Variants in KCNN2 observed in about 807,000 individuals in gnomAD.
KCNN2 encodes the protein small conductance calcium-activated potassium channel protein 2.
In KCNN2, 24 loss-of-function variants were observed where a neutral mutation model predicts 55.5. The ratio of observed to expected loss-of-function variants is 0.43; its 90% CI spans 0.31 to 0.61. The LOEUF (loss-of-function observed/expected upper bound fraction) is 0.61, where lower values mean the gene tolerates loss of function less well. Ranked by LOEUF, KCNN2 falls within the 20% of genes least tolerant of loss-of-function variation. KCNN2 has a pLI of 0.08. For synonymous variants in KCNN2, 431 were observed against 336.1 expected (o/e 1.28, Z -3.09); for missense variants, 754 against 853.6 (o/e 0.88, Z 1.45).
chr5:114,390,399 A>T (rs1230051957), intron 2 of KCNN2, among the ~76,000 whole-genome samples: 1 of 152,118 alleles, frequency 6.6e-6, no homozygotes, highest in Non-Finnish European at 1.5e-5. Flanking sequence ...TATTTTCATC[A>T]TTTCCAGTAG....
chr5:114,265,538 G>T (rs1755193301), intron 2 of KCNN2, among the ~76,000 whole-genome samples: 1 of 152,166 alleles, frequency 6.6e-6, no homozygotes, highest in African/African-American at 2.4e-5. Context: ...GAATCAAAAA[G>T]CCAAGAAAGA....
At chr5:114,284,010 C>T (rs150027510) in intron 2 of KCNN2, among the ~76,000 whole-genome samples, 1 of 152,152 alleles carries the variant, frequency 6.6e-6, no homozygotes, top group Non-Finnish European at 1.5e-5. Context: ...GAATGACATC[C>T]AGGAAGAGGG....
intron 1 of KCNN2, among the ~76,000 whole-genome samples, chr5:114,127,979 A>G (rs1751973585): frequency 6.6e-6 from 1 of 152,128 alleles, no homozygotes; most frequent in African/African-American, 2.4e-5. Flanking sequence ...TTTATTGTGT[A>G]TATCACTATA....
At chr5:114,370,548 T>C (rs1011289441) in intron 2 of KCNN2, among the ~76,000 whole-genome samples, 2 of 152,008 alleles carry the variant, frequency 1.3e-5, no homozygotes, top group African/African-American at 4.8e-5. Flanking sequence ...GTTGCATACA[T>C]CAGACAGGAC....
intron 2 of KCNN2, among the ~76,000 whole-genome samples, chr5:114,306,106 G>T (rs1391077441): frequency 6.6e-6 from 1 of 152,162 alleles, no homozygotes; most frequent in Admixed American, 6.5e-5. Context: ...CATAGCCCTG[G>T]AGCAACACTG....
chr5:114,173,414 G>C (rs1753076896), intron 1 of KCNN2, among the ~76,000 whole-genome samples: 1 of 147,782 alleles, frequency 6.8e-6, no homozygotes, highest in African/African-American at 2.5e-5. Context: ...GGCTATTCTG[G>C]TGGGTTTTTT....
chr5:114,210,920 C>T (rs964184449), intron 1 of KCNN2, among the ~76,000 whole-genome samples: 3 of 152,064 alleles, frequency 2.0e-5, no homozygotes, highest in African/African-American at 7.2e-5. Context: ...ACAGAACAGA[C>T]ACTTTTCAAG....
At chr5:114,455,097 C>A (rs185664031) in intron 3 of KCNN2, among the ~76,000 whole-genome samples, 42 of 151,852 alleles carry the variant, frequency 2.8e-4, no homozygotes, top group Non-Finnish European at 2.6e-4. Flanking sequence ...TTCAGTGGTT[C>A]CTTTGGGGTT....
chr5:114,139,802 A>G (rs1412296245), intron 1 of KCNN2, among the ~76,000 whole-genome samples: 1 of 151,826 alleles, frequency 6.6e-6, no homozygotes, highest in Non-Finnish European at 1.5e-5. Flanking sequence ...TTTGTTTTAT[A>G]TTAGTTCATA....
At chr5:114,241,227 G>C (rs1251187023) in intron 2 of KCNN2, among the ~76,000 whole-genome samples, 1 of 151,704 alleles carries the variant, frequency 6.6e-6, no homozygotes, top group Non-Finnish European at 1.5e-5. Context: ...ATAATTCTGA[G>C]AACATTATGT....
chr5:114,257,151 C>G (rs537249833), intron 2 of KCNN2, among the ~76,000 whole-genome samples: 1 of 152,166 alleles, frequency 6.6e-6, no homozygotes, highest in South Asian at 2.1e-4. Context: ...TCAACTTTGT[C>G]AAAGATCAGT....
chr5:114,097,096 A>C (rs1751272402), intron 1 of KCNN2, among the ~76,000 whole-genome samples: 1 of 152,184 alleles, frequency 6.6e-6, no homozygotes. Flanking sequence ...TGTATCCTGA[A>C]AGTATTAGAT....
chr5:114,079,794 G>A (rs1750764086), intron 1 of KCNN2, among the ~76,000 whole-genome samples: 1 of 151,420 alleles, frequency 6.6e-6, no homozygotes, highest in South Asian at 2.1e-4. Context: ...AGCTTTAAGA[G>A]GAAAATCAAT....
At chr5:114,237,894 C>T (rs1330959792) in intron 2 of KCNN2, among the ~76,000 whole-genome samples, 2 of 152,086 alleles carry the variant, frequency 1.3e-5, no homozygotes, top group Non-Finnish European at 2.9e-5. Context: ...CAGCTCTTGC[C>T]CCGTGGCCTT....
At chr5:114,422,253 A>G (rs1759492708) in intron 3 of KCNN2, among the ~76,000 whole-genome samples, 1 of 152,164 alleles carries the variant, frequency 6.6e-6, no homozygotes, top group Non-Finnish European at 1.5e-5. Flanking sequence ...CCTAATTTCC[A>G]GTGTGATAAT....
At chr5:114,136,456 A>G (rs1432113032) in intron 1 of KCNN2, among the ~76,000 whole-genome samples, 2 of 152,180 alleles carry the variant, frequency 1.3e-5, no homozygotes, top group Non-Finnish European at 2.9e-5. Flanking sequence ...ATTATAAACT[A>G]CTGGTCAAAT....
At chr5:114,375,400 T>G (rs1463664418) in intron 2 of KCNN2, among the ~76,000 whole-genome samples, 1 of 152,190 alleles carries the variant, frequency 6.6e-6, no homozygotes, top group Middle Eastern at 3.2e-3. Context: ...AGGTATTGAC[T>G]GAAAACTTTG....
At chr5:114,323,773 C>T (rs745810136) in intron 2 of KCNN2, among the ~76,000 whole-genome samples, 2 of 149,488 alleles carry the variant, frequency 1.3e-5, no homozygotes, top group African/African-American at 2.5e-5. Flanking sequence ...TTCAGCCTCC[C>T]GAGTAGCTGG....
intron 2 of KCNN2, among the ~76,000 whole-genome samples, chr5:114,281,793 A>G (rs1268560427): frequency 6.6e-6 from 1 of 152,080 alleles, no homozygotes; most frequent in Non-Finnish European, 1.5e-5. Flanking sequence ...ATGTCCTTGA[A>G]GGCTTGAGTC....
Sources: gnomAD v4.1 joint callset for allele counts (sites outside exome capture counted in the v4.1 genomes callset) on GRCh38, gnomAD v4.1.1 for gene constraint, MANE v1.5 for transcripts, NCBI Gene and HGNC (gene_info 2026-07-23, HGNC 2026-07-21) for gene names.